GLIS3: variants seen among roughly 807,000 people sequenced by gnomAD.
GLIS3 encodes GLIS family zinc finger 3.
GLIS3 carries 53 observed loss-of-function variants against 78.6 expected under a neutral mutation model. The ratio of observed to expected loss-of-function variants is 0.67; its 90% confidence interval spans 0.54 to 0.85. The LOEUF is 0.85. GLIS3 is among the 40% of genes least tolerant of loss of function. The pLI is 0.00. For missense variants in GLIS3, 1,703 were observed against 1,231.1 expected (o/e 1.38, Z -5.74); for synonymous variants, 684 against 509.9 (o/e 1.34, Z -4.60).
chr9:4,068,834 A>ATGTGTGTGTGTGTG (rs56232754), intron 4 of GLIS3, among the ~76,000 whole-genome samples: 1 of 149,704 alleles, frequency 6.7e-6, no homozygotes, highest in Non-Finnish European at 1.5e-5. Context: ...GCATGTATGC[A>ATGTGTGTGTGTGTG]TGTGTGTGTG....
At chr9:3,854,141 A>T (rs1176926334) in intron 9 of GLIS3, among the ~76,000 whole-genome samples, 1 of 152,090 alleles carries the variant, frequency 6.6e-6, no homozygotes, top group Non-Finnish European at 1.5e-5. Flanking sequence ...GGCACAGGGG[A>T]CCTGGTTCTC....
At chr9:4,289,570 ACCT>A (rs1400056476) in intron 1 of GLIS3, among the ~76,000 whole-genome samples, 1 of 152,048 alleles carries the variant, frequency 6.6e-6, no homozygotes, top group Non-Finnish European at 1.5e-5. Context: ...TCGGAAGAGC[ACCT>A]TTCTAGTTAA....
At chr9:4,416,812 G>GTTTGT in the GLIS3 span, among the ~76,000 whole-genome samples, 12 of 95,808 alleles carry the variant, frequency 1.3e-4, no homozygotes, top group East Asian at 9.0e-4. Flanking sequence ...CCCATAGTCA[G>GTTTGT]TTTTTTTTTT....
chr9:4,372,046 C>T, the GLIS3 span, among the ~76,000 whole-genome samples: 1 of 152,158 alleles, frequency 6.6e-6, no homozygotes, highest in Non-Finnish European at 1.5e-5. Context: ...CCCTCCTCTC[C>T]TGTGGGATCC....
intron 2 of GLIS3, among the ~76,000 whole-genome samples, chr9:4,240,889 A>C (rs1204292400): frequency 6.6e-6 from 1 of 152,172 alleles, no homozygotes; most frequent in Non-Finnish European, 1.5e-5. Flanking sequence ...ACTCCATATA[A>C]ATAAAAATTA....
chr9:4,021,011 A>C (rs982313179), intron 4 of GLIS3, among the ~76,000 whole-genome samples: 5 of 152,258 alleles, frequency 3.3e-5, no homozygotes, highest in Non-Finnish European at 7.3e-5. Context: ...GTTCAGATGC[A>C]GGACTTGTTC....
At chr9:4,395,314 T>C in the GLIS3 span, among the ~76,000 whole-genome samples, 3 of 152,186 alleles carry the variant, frequency 2.0e-5, no homozygotes, top group South Asian at 6.2e-4. Context: ...GTGAGTCTTG[T>C]GTGTAGTGTG....
At position 4,226,822 on chromosome 9, in the gene GLIS3, A is replaced by G. The variant is rs1269536161; in HGVS notation, c.388+59216T>C. Reference sequence around the variant, plus strand: ...AGGACGAAAAAGACAGTGGATGCAAAGTTATCTGTTTACACCATGGCCTCA... The same window carrying G: ...AGGACGAAAAAGACAGTGGATGCAAGGTTATCTGTTTACACCATGGCCTCA... On this transcript the variant is annotated intron_variant, in intron 2 of 10. Transcript: ENST00000381971. 3.9e-5 allele frequency among the ~76,000 whole-genome samples: 6 copies of G among 152,196 alleles called. No homozygotes were observed. The South Asian group carries it at 1.2e-3, about 32-fold the overall frequency.
chr9:4,229,243 C>G (rs1173681610), intron 2 of GLIS3, among the ~76,000 whole-genome samples: 1 of 152,212 alleles, frequency 6.6e-6, no homozygotes, highest in Non-Finnish European at 1.5e-5. Context: ...TTTGCTTTCG[C>G]TGAAATCGCT....
At chr9:3,861,910 A>G (rs1820238471) in intron 8 of GLIS3, among the ~76,000 whole-genome samples, 1 of 152,178 alleles carries the variant, frequency 6.6e-6, no homozygotes, top group African/African-American at 2.4e-5. Flanking sequence ...ACAAACCGGC[A>G]CATCCTGCAA....
intron 9 of GLIS3, among the ~76,000 whole-genome samples, chr9:3,832,864 A>G (rs1036553130): frequency 2.0e-5 from 3 of 152,196 alleles, no homozygotes; most frequent in African/African-American, 7.2e-5. Flanking sequence ...CCACAACTTC[A>G]CAAATAGGGA....
At chr9:3,935,716 A>G (rs1369921381) in intron 5 of GLIS3, among the ~76,000 whole-genome samples, 1 of 152,096 alleles carries the variant, frequency 6.6e-6, no homozygotes, top group Non-Finnish European at 1.5e-5. Context: ...TTTTAACACA[A>G]TTTATTCTTT....
the GLIS3 span, among the ~76,000 whole-genome samples, chr9:4,453,756 C>T: frequency 6.6e-6 from 1 of 152,142 alleles, no homozygotes; most frequent in African/African-American, 2.4e-5. Flanking sequence ...GGACAGGAAA[C>T]CAAACACTGC....
chr9:4,321,290 CG>C (rs1817522012), intron 2 of GLIS3, among the ~76,000 whole-genome samples: 1 of 129,060 alleles, frequency 7.7e-6, no homozygotes, highest in African/African-American at 3.8e-5. Context: ...GGAGTGGTGG[CG>C]GGCGCCTGTA....
chr9:4,199,093 C>G (rs1419568028), intron 2 of GLIS3, among the ~76,000 whole-genome samples: 1 of 152,154 alleles, frequency 6.6e-6, no homozygotes, highest in Non-Finnish European at 1.5e-5. Flanking sequence ...AGAACTATAC[C>G]TGTTACCACA....
At chr9:4,428,625 C>G in the GLIS3 span, among the ~76,000 whole-genome samples, 2 of 152,046 alleles carry the variant, frequency 1.3e-5, no homozygotes, top group South Asian at 2.1e-4. Context: ...CGATCTTATA[C>G]TACCCACAAG....
intron 2 of GLIS3, among the ~76,000 whole-genome samples, chr9:4,322,042 C>T (rs1010546077): frequency 1.3e-5 from 2 of 152,078 alleles, no homozygotes; most frequent in Admixed American, 6.5e-5. Context: ...CCCGAGCCCA[C>T]GACAGGCCCT....
chr9:4,107,789 G>T (rs950150844), intron 4 of GLIS3, among the ~76,000 whole-genome samples: 2 of 150,336 alleles, frequency 1.3e-5, no homozygotes, highest in Non-Finnish European at 3.0e-5. Flanking sequence ...ATTTTCTGAG[G>T]AGCCAGAGAC....
intron 4 of GLIS3, among the ~76,000 whole-genome samples, chr9:4,306,653 G>C (rs1817235495): frequency 6.6e-6 from 1 of 152,180 alleles, no homozygotes; most frequent in African/African-American, 2.4e-5. Flanking sequence ...TTCAGAAATA[G>C]AGAAGGAATC....
Sources: allele counts gnomAD v4.1 joint callset (sites outside exome capture counted in the v4.1 genomes callset), GRCh38; gene constraint gnomAD v4.1.1; transcripts MANE v1.5; gene names NCBI Gene and HGNC (gene_info 2026-07-23, HGNC 2026-07-21).